G6PC3: variants seen among roughly 807,000 people sequenced by gnomAD.
G6PC3 encodes glucose-6-phosphatase 3.
A neutral mutation model predicts 38.6 loss-of-function variants in G6PC3; 30 were observed. The ratio of observed to expected loss-of-function variants is 0.78; its 90% CI spans 0.58 to 1.05. G6PC3 has a LOEUF of 1.05. G6PC3 is among the 50% of genes least tolerant of loss of function. The pLI is 0.00. For missense variants in G6PC3, 377 were observed against 443.1 expected (o/e 0.85, Z 1.34); for synonymous variants, 192 against 178.1 (o/e 1.08, Z -0.62).
At position 44,075,912 on chromosome 17, in the gene G6PC3, C is replaced by A. The variant is rs1314910205; in HGVS notation, c.910C>A (p.Pro304Thr). Residue 304 changes from proline (P) to threonine (T), a missense_variant, in exon 6 of 6, where the codon CCT (proline) becomes ACT (threonine). Physicochemically the swap from Pro to Thr is conservative, Grantham distance 38. Transcript: ENST00000269097. ...CCCCCTGGACTGGCTGGGCCACCCC[C>A]CTCAGATCAGCCTCTTCTACATTTT... ...LGPLDWLGHP[P>T]QISLFYIFNF... The A allele has an allele frequency of 2.5e-6, 4 of 1,613,174 alleles. No individual in the cohort carries two copies. In the Admixed American group the frequency reaches 5.0e-5, roughly 20 times the overall value.
At chr17:44,072,069 TG>T (rs1218524401) in intron 1 of G6PC3, 1 of 225,516 alleles carries the variant, frequency 4.4e-6, no homozygotes, top group Admixed American at 5.2e-5. Context: ...TTCAATGAGC[TG>T]GAATGACTTG....
At chr17:44,071,636 T>G (rs2049980795) in intron 1 of G6PC3, 1 of 1,278,846 alleles carries the variant, frequency 7.8e-7, no homozygotes, top group East Asian at 5.6e-5. Context: ...AGAAGCATGC[T>G]TTGTGCTGGG....
Position 44,074,712 on chromosome 17 carries a change from G to T in G6PC3, c.358G>T (p.Ala120Ser), listed in dbSNP as rs2050044130. The T allele has an allele frequency of 6.2e-7, 1 of 1,614,056 alleles. No homozygotes were observed. Among genetic ancestry groups the T allele is most frequent in the Non-Finnish European group, 8.5e-7 (1 of 1,180,020 alleles). ...TTCTGGACACTGCATGATCACAGGAGCAGCCCTCTGGCCCATAATGACGGC... is the reference window on the plus strand; with the variant it reads ...TTCTGGACACTGCATGATCACAGGATCAGCCCTCTGGCCCATAATGACGGC... ...SPSGHCMITGAALWPIMTALS... is the reference protein window; with the variant it reads ...SPSGHCMITGSALWPIMTALS... Residue 120 changes from alanine (A) to serine (S), a missense_variant, in exon 3 of 6, where the codon GCA (alanine) becomes TCA (serine). Transcript: ENST00000269097.
chr17:44,075,234 C>T, intron 4 of G6PC3, 76 bp from the exon 5 acceptor site: 9 of 1,588,864 alleles, frequency 5.7e-6, no homozygotes, highest in Non-Finnish European at 7.8e-6. Flanking sequence ...TGCCAAGCTG[C>T]ACTGCAGCTG....
chr17:44,071,089 T>G lies in G6PC3; in HGVS notation c.124T>G (p.Tyr42Asp). Residue 42 changes from tyrosine (Y) to aspartate (D), a missense_variant, in exon 1 of 6, where the codon TAC (tyrosine) becomes GAC (aspartate). Coordinates refer to ENST00000269097, the MANE Select transcript of G6PC3 (RefSeq NM_138387.4). ...LGDPKILFLF[Y>D]FPAAYYASRR... is the part of the protein sequence containing the mutation. ...CGATCCCAAGATCCTCTTTCTGTTC[T>G]ACTTCCCCGCGGCCTACTACGCCTC... 1 of 1,613,710 alleles carries G rather than the reference T, an allele frequency of 6.2e-7. No homozygotes were observed. Among genetic ancestry groups the G allele is most frequent in the Non-Finnish European group, 8.5e-7 (1 of 1,179,876 alleles).
intron 1 of G6PC3, chr17:44,071,757 C>T (rs540105118): frequency 6.3e-6 from 4 of 639,754 alleles, no homozygotes; most frequent in African/African-American, 5.6e-5. Context: ...CGCAGACTCT[C>T]AGGCCCCGGG....
In G6PC3 at chr17:44,075,195, G is replaced by GC. The variant is rs140471596; in HGVS notation, c.536-109dup. The GC allele has an allele frequency of 1.7e-3, 2,539 of 1,513,556 alleles. 38 individuals are homozygous for GC. The African/African-American group carries it at 0.031, about 18-fold the overall frequency. The allele number at this position is 1,513,556 out of a possible 1,614,324, so 93.8% of individuals were successfully genotyped here. On this transcript the variant is annotated intron_variant, in intron 4 of 5. Coordinates refer to ENST00000269097, the MANE Select transcript of G6PC3 (RefSeq NM_138387.4). ...AGCTTCTGTAGAGCCCACCCCAGAG[G>GC]CCCCCCGTTATGTCTCAGTTTATTC...
At chr17:44,074,100 T>G in intron 1 of G6PC3, 60 bp from the exon 2 acceptor site, 1 of 1,212,092 alleles carries the variant, frequency 8.3e-7, no homozygotes, top group Non-Finnish European at 1.2e-6. Context: ...CCTGCCCGCC[T>G]TGTACCCCCC....
At chr17:44,073,878 G>A (rs984508724) in intron 1 of G6PC3, 6 of 409,406 alleles carry the variant, frequency 1.5e-5, no homozygotes, top group African/African-American at 1.0e-4. Context: ...ACAGTCATGA[G>A]CCACTGTACC....
rs1392954032 is a variant in G6PC3 at position 44,071,178 on chromosome 17, C to G, written c.213C>G (p.Phe71Leu). The change falls in exon 1 of 6, where the codon TTC (phenylalanine) becomes TTG (leucine). Residue 71 changes from phenylalanine (F) to leucine (L), a missense_variant. Coordinates refer to ENST00000269097, the MANE Select transcript of G6PC3 (RefSeq NM_138387.4). Reference protein sequence around the residue: ...SLITEWLNLIFKWFLFGDRPF... With the variant: ...SLITEWLNLILKWFLFGDRPF... ...TCACCGAGTGGCTCAACCTCATCTT[C>G]AAGTGGTGAGACAGAGAAGCCCTCC... The G allele has an allele frequency of 6.2e-7, 1 of 1,613,064 alleles. No individual in the cohort carries two copies. The highest frequency in any genetic ancestry group is 1.3e-5 in the African/African-American group (1 of 74,944).
chr17:44,070,844 G>T lies in G6PC3; in HGVS notation c.-122G>T. On this transcript the variant is annotated 5_prime_UTR_variant, in exon 1 of 6. Coordinates refer to ENST00000269097, the MANE Select transcript of G6PC3 (RefSeq NM_138387.4). Reference sequence around the variant, plus strand: ...GCGGGGCTTGGTGGTGACCGCTGGCGGGGCGGGGCCTGGGGCTCAGAGGGG... The same window carrying T: ...GCGGGGCTTGGTGGTGACCGCTGGCTGGGCGGGGCCTGGGGCTCAGAGGGG... 1 of 1,146,256 alleles carries T rather than the reference G, an allele frequency of 8.7e-7. No homozygotes were observed. The highest frequency in any genetic ancestry group is 1.3e-6 in the Non-Finnish European group (1 of 794,322). The allele number at this position is 1,146,256 out of a possible 1,614,324, so 71.0% of individuals were successfully genotyped here.
At position 44,075,307 on chromosome 17, in the gene G6PC3, T is replaced by G. The variant is rs752548565; in HGVS notation, c.536-3T>G. ...TGAAGCTGTTGTCACTCCACTCTCC[T>G]AGGCGCTGTCCTGGGCTGGCTGATG... On this transcript the variant is annotated splice_region_variant and splice_polypyrimidine_tract_variant and intron_variant, in intron 4 of 5. Transcript: ENST00000269097. 17 of 1,614,018 alleles carry G rather than the reference T, an allele frequency of 1.1e-5. No homozygotes were observed. Among genetic ancestry groups the G allele is most frequent in the Non-Finnish European group, 1.4e-5 (16 of 1,180,046 alleles).
At position 44,074,746 on chromosome 17, in the gene G6PC3, C is replaced by T. The variant is rs199836220; in HGVS notation, c.392C>T (p.Ser131Leu). ...TGGCCCATAATGACGGCCCTGTCTT[C>T]GCAGGTGGCCACTCGGGCCCGCAGG... ...ALWPIMTALS[S>L]QVATRARSRW... is the part of the protein sequence containing the mutation. Residue 131 changes from serine to leucine, a missense_variant, in exon 3 of 6, where the codon TCG becomes TTG. Transcript: ENST00000269097. 19 of 1,614,038 alleles carry T rather than the reference C, an allele frequency of 1.2e-5. No individual in the cohort carries two copies. Among genetic ancestry groups the T allele is most frequent in the East Asian group, 4.5e-5 (2 of 44,858 alleles).
chr17:44,070,911 G>T lies in G6PC3; in HGVS notation c.-55G>T, dbSNP rs1291420231. The T allele has an allele frequency of 3.9e-6, 6 of 1,537,348 alleles. No individual in the cohort carries two copies. The African/African-American group carries it at 5.5e-5, about 14-fold the overall frequency. ...GAGGGTCGACGCTGCTTCGTTGCCT[G>T]GACTCTGGTTTCCGCCCTGGAGCAA... On this transcript the variant is annotated 5_prime_UTR_variant, in exon 1 of 6. Transcript: ENST00000269097.
intron 1 of G6PC3, 188 bp downstream of exon 1, chr17:44,071,371 C>T (rs375960516): frequency 1.1e-6 from 1 of 920,478 alleles, no homozygotes; most frequent in Non-Finnish European, 1.6e-6. Flanking sequence ...AACCATCCTA[C>T]TCATTAGACC....
Position 44,074,681 on chromosome 17 carries a change from C to G in G6PC3, c.327C>G (p.Gly109=), listed in dbSNP as rs751204672. The part of the protein sequence containing the change: ...QFPSSCETGP[G]SPSGHCMITG... ...ACGAGCTTCTGGATTTGCTGGCAGGCAGCCCTTCTGGACACTGCATGATCA... is the reference window on the plus strand; with the variant it reads ...ACGAGCTTCTGGATTTGCTGGCAGGGAGCCCTTCTGGACACTGCATGATCA... Residue 109 remains glycine (G), a splice_region_variant and synonymous_variant, in exon 3 of 6, where the codon GGC becomes GGG. Transcript: ENST00000269097. 1 of 1,614,162 alleles carries G rather than the reference C, an allele frequency of 6.2e-7. No homozygotes were observed. Among genetic ancestry groups the G allele is most frequent in the Admixed American group, 1.7e-5 (1 of 60,028 alleles).
intron 1 of G6PC3, chr17:44,073,772 T>G: frequency 3.7e-6 from 1 of 270,206 alleles, no homozygotes; most frequent in Non-Finnish European, 7.3e-6. Flanking sequence ...ATTTTTTGTT[T>G]TTGTTGAATC....
rs760710726 is a variant in G6PC3 at position 44,075,361 on chromosome 17, T to C, written c.587T>C (p.Leu196Pro). ...MTPRVPMERELSFYGLTALAL... is the reference protein window; with the variant it reads ...MTPRVPMEREPSFYGLTALAL... ...CCCCGAGTGCCTATGGAGCGGGAGC[T>C]AAGCTTCTATGGGTTGACTGCACTG... The change falls in exon 5 of 6, where the codon CTA becomes CCA. Residue 196 changes from leucine to proline, a missense_variant. Physicochemically the swap from Leu to Pro is moderately conservative, Grantham distance 98 (BLOSUM62 -3). Coordinates refer to ENST00000269097, the MANE Select transcript of G6PC3 (RefSeq NM_138387.4). The C allele has an allele frequency of 5.6e-6, 9 of 1,614,168 alleles. No individual in the cohort carries two copies. The South Asian group carries it at 9.9e-5, about 18-fold the overall frequency.
chr17:44,071,296 T>G, intron 1 of G6PC3, 113 bp downstream of exon 1: 2 of 1,508,104 alleles, frequency 1.3e-6, no homozygotes, highest in Non-Finnish European at 1.8e-6. Flanking sequence ...ACCCCTACTC[T>G]GTAGTCCCTG....
Sources: gnomAD v4.1 joint callset for allele counts on GRCh38, gnomAD v4.1.1 for gene constraint, MANE v1.5 for transcripts, NCBI Gene and HGNC (gene_info 2026-07-23, HGNC 2026-07-21) for gene names.